RTKN2: variants seen among roughly 807,000 people sequenced by gnomAD.
RTKN2 encodes rhotekin-2.
In RTKN2, 69 loss-of-function variants were observed where a neutral mutation model predicts 71.5. The observed-to-expected ratio is 0.96, with a 90% CI of 0.79 to 1.18. The LOEUF (loss-of-function observed/expected upper bound fraction) is 1.18, where lower values mean the gene tolerates loss of function less well. Ranked by LOEUF, RTKN2 falls within the 50% of genes most tolerant of loss-of-function variation. The pLI, the probability that RTKN2 is intolerant of heterozygous loss-of-function variation, is 0.00. For missense variants in RTKN2, 724 were observed against 719.7 expected (o/e 1.01, Z -0.07); for synonymous variants, 236 against 236.5 (o/e 1.00, Z 0.02).
chr10:62,243,699 A>G (rs966784262), intron 3 of RTKN2, among the ~76,000 whole-genome samples: 9 of 152,200 alleles, frequency 5.9e-5, no homozygotes, highest in Non-Finnish European at 1.0e-4. Flanking sequence ...TCAGCTTCCA[A>G]TGATAGAACT....
chr10:62,213,215 A>T (rs1481130941), intron 9 of RTKN2, among the ~76,000 whole-genome samples: 1 of 152,200 alleles, frequency 6.6e-6, no homozygotes, highest in African/African-American at 2.4e-5. Context: ...AAAGATTGTT[A>T]GAAAACAAAC....
chr10:62,190,122 T>C (rs532195780), downstream of RTKN2, among the ~76,000 whole-genome samples: 3 of 152,290 alleles, frequency 2.0e-5, no homozygotes, highest in South Asian at 2.1e-4. Context: ...CAGAATAATA[T>C]AGGCTGGATC....
At position 62,226,874 on chromosome 10, in the gene RTKN2, T is replaced by C. The variant is rs944027841; in HGVS notation, c.687-3542A>G. ...ACTTTGGGAGGGTGAGGCAGGAGAATTGCTTGAACCCGGGAGGCGGAGGCT... is the reference window on the plus strand; with the variant it reads ...ACTTTGGGAGGGTGAGGCAGGAGAACTGCTTGAACCCGGGAGGCGGAGGCT... On this transcript the variant is annotated intron_variant, in intron 6 of 11. Transcript: ENST00000373789. Among the ~76,000 whole-genome samples the C allele has an allele frequency of 4.6e-5, 7 of 152,166 alleles. No individual in the cohort carries two copies. The East Asian group carries it at 1.2e-3, about 25-fold the overall frequency.
intron 9 of RTKN2, among the ~76,000 whole-genome samples, chr10:62,209,163 G>A (rs1018793911): frequency 6.6e-6 from 1 of 152,122 alleles, no homozygotes; most frequent in Non-Finnish European, 1.5e-5. Flanking sequence ...AGCTACCCGG[G>A]AGGCTGAGGC....
chr10:62,201,531 T>C (rs762055475), intron 10 of RTKN2, among the ~76,000 whole-genome samples: 24 of 152,016 alleles, frequency 1.6e-4, no homozygotes, highest in Non-Finnish European at 2.9e-4. Flanking sequence ...CTTCCTTTTA[T>C]AGATAAATAT....
intron 10 of RTKN2, among the ~76,000 whole-genome samples, chr10:62,202,921 G>T (rs1841472979): frequency 1.3e-5 from 2 of 152,194 alleles, no homozygotes; most frequent in South Asian, 4.1e-4. Context: ...AGCACTTTGG[G>T]GGGCTGAGGT....
chr10:62,257,458 T>A (rs1842696218), intron 2 of RTKN2, among the ~76,000 whole-genome samples: 1 of 152,196 alleles, frequency 6.6e-6, no homozygotes, highest in Non-Finnish European at 1.5e-5. Context: ...AAGGAAACTT[T>A]GAGGCAGGTG....
At chr10:62,262,229 TAATTTTGCTGCTCACTCATCTC>T (rs1425950553) in intron 2 of RTKN2, among the ~76,000 whole-genome samples, 1 of 152,226 alleles carries the variant, frequency 6.6e-6, no homozygotes, top group Non-Finnish European at 1.5e-5. Flanking sequence ...TATCTCTTTA[TAATTTTGCTGCTCACTCATCTC>T]AATTTCTATA....
At position 62,196,860 on chromosome 10, in the gene RTKN2, C is replaced by T. The variant is rs1589329242; in HGVS notation, c.*1048G>A. 3 of 982,128 alleles carry T rather than the reference C, an allele frequency of 3.1e-6. No homozygotes were observed. Among genetic ancestry groups the T allele is most frequent in the Non-Finnish European group, 3.6e-6 (3 of 827,058 alleles). The allele number at this position is 982,128 out of a possible 1,614,324, so 60.8% of individuals were successfully genotyped here. On this transcript the variant is annotated 3_prime_UTR_variant, in exon 12 of 12. Transcript: ENST00000373789. Reference sequence around the variant, plus strand: ...GTATTTTTCTGCTATTTATTCCTCACTTGACTTTATAATCCTGTTTGGGTC... The same window carrying T: ...GTATTTTTCTGCTATTTATTCCTCATTTGACTTTATAATCCTGTTTGGGTC...
rs1841312751 is a variant in RTKN2, at chr10:62,195,626, G to GGAAGGAATGAAT, written c.*2281_*2282insATTCATTCCTTC. 1 of 201,742 alleles carries GGAAGGAATGAAT rather than the reference G, an allele frequency of 5.0e-6. No homozygotes were observed. Among genetic ancestry groups the GGAAGGAATGAAT allele is most frequent in the Non-Finnish European group, 7.1e-6 (1 of 139,936 alleles). 12.5% of individuals were successfully genotyped at this position (201,742 alleles called of 1,614,324 possible). Reference sequence around the variant, plus strand: ...GGGAATGAAGGAAGGAAGGAAGGAAGGAAGGAAGGAAGGAAGGAAGGAAGG... The same window carrying GGAAGGAATGAAT: ...GGGAATGAAGGAAGGAAGGAAGGAAGGAAGGAATGAATGAAGGAAGGAAGGAAGGAAGGAAGG... On this transcript the variant is annotated 3_prime_UTR_variant, in exon 12 of 12. Coordinates refer to ENST00000373789, the MANE Select transcript of RTKN2 (RefSeq NM_145307.4).
chr10:62,216,656 ATG>A (rs1564507323), intron 9 of RTKN2, among the ~76,000 whole-genome samples: 1 of 151,448 alleles, frequency 6.6e-6, no homozygotes, highest in Non-Finnish European at 1.5e-5. Context: ...ACTATTCTAA[ATG>A]GACTGTCAGG....
In RTKN2 at chr10:62,193,843, G is replaced by A. The variant is rs896911439; in HGVS notation, c.*4065C>T. 2 of 975,260 alleles carry A rather than the reference G, an allele frequency of 2.1e-6. No individual in the cohort carries two copies. The highest frequency in any genetic ancestry group is 3.5e-5 in the African/African-American group (2 of 56,964). The allele number at this position is 975,260 out of a possible 1,614,324, so 60.4% of individuals were successfully genotyped here. On this transcript the variant is annotated 3_prime_UTR_variant, in exon 12 of 12. Coordinates refer to ENST00000373789, the MANE Select transcript of RTKN2 (RefSeq NM_145307.4). ...GATTATATGTAAACATTTTAATAAT[G>A]TTAATTATACCATGGCTTATCAGAA...
At chr10:62,249,157 T>C (rs895990782) in intron 2 of RTKN2, among the ~76,000 whole-genome samples, 10 of 152,134 alleles carry the variant, frequency 6.6e-5, no homozygotes, top group African/African-American at 2.4e-4. Flanking sequence ...TGAGATACAG[T>C]ACCTGAGCAA....
intron 2 of RTKN2, among the ~76,000 whole-genome samples, chr10:62,256,111 T>C (rs750641519): frequency 6.6e-6 from 1 of 152,014 alleles, no homozygotes; most frequent in Non-Finnish European, 1.5e-5. Context: ...CTCAAGCTTC[T>C]GGATGCAAGT....
chr10:62,213,935 G>A (rs1012479639), intron 9 of RTKN2, among the ~76,000 whole-genome samples: 2 of 151,868 alleles, frequency 1.3e-5, no homozygotes, highest in African/African-American at 4.8e-5. Flanking sequence ...TTTCTTGACT[G>A]GGATAGTGCT....
intron 2 of RTKN2, among the ~76,000 whole-genome samples, chr10:62,260,135 C>A (rs148034103): frequency 1.3e-3 from 203 of 152,220 alleles, no homozygotes; most frequent in African/African-American, 4.6e-3. Flanking sequence ...ATTTTTCCAC[C>A]TTAAGGACTA....
intron 6 of RTKN2, among the ~76,000 whole-genome samples, chr10:62,229,867 G>A (rs1331375822): frequency 1.3e-5 from 2 of 152,010 alleles, no homozygotes; most frequent in Non-Finnish European, 2.9e-5. Flanking sequence ...TATTTCCAAT[G>A]AATGACACAT....
rs150895519 is a variant in RTKN2 at position 62,224,260 on chromosome 10, G to C, written c.687-928C>G. 5.4e-3 allele frequency among the ~76,000 whole-genome samples: 815 copies of C among 152,206 alleles called. 2 individuals carry two copies. Among genetic ancestry groups the C allele is most frequent in the Non-Finnish European group, 8.0e-3 (541 of 68,010 alleles). ...AGAAGATGAAAAACTTCTGGAGATG[G>C]AGGGTGGTGATGCTTGTACAACATG... On this transcript the variant is annotated intron_variant, in intron 6 of 11. Transcript: ENST00000373789.
chr10:62,200,983 T>C (rs1405588406), intron 10 of RTKN2, among the ~76,000 whole-genome samples: 1 of 152,150 alleles, frequency 6.6e-6, no homozygotes, highest in Non-Finnish European at 1.5e-5. Context: ...TTAAATTTTT[T>C]AGATTTCTCC....
Sources: allele counts gnomAD v4.1 joint callset (sites outside exome capture counted in the v4.1 genomes callset), GRCh38; gene constraint gnomAD v4.1.1; transcripts MANE v1.5; gene names NCBI Gene and HGNC (gene_info 2026-07-23, HGNC 2026-07-21).